Variants in SERPINE2 observed in about 807,000 individuals in gnomAD.
The protein encoded by SERPINE2 is glia-derived nexin.
A neutral mutation model predicts 36.3 loss-of-function variants in SERPINE2; 14 were observed. The ratio of observed to expected loss-of-function variants is 0.39; its 90% CI spans 0.25 to 0.60. The LOEUF (loss-of-function observed/expected upper bound fraction) is 0.60, where lower values mean the gene tolerates loss of function less well. Ranked by LOEUF, SERPINE2 falls within the 20% of genes least tolerant of loss-of-function variation. SERPINE2 has a pLI of 0.57. For synonymous variants in SERPINE2, 192 were observed against 191.8 expected (o/e 1.00, Z -0.01); for missense variants, 418 against 499.6 (o/e 0.84, Z 1.56).
chr2:223,980,318 T>C lies in SERPINE2; in HGVS notation c.1065A>G (p.Ala355=), dbSNP rs776522776. ...EVSEDGTKAS[A]ATTAILIARS... is the part of the protein sequence containing the mutation. ...ACGTGACCCAGTGCTTACTTGTTGC[T>C]GCTGAAGCTTTGGTTCCATCTTCAC... Residue 355 remains alanine, a synonymous_variant, in exon 7 of 9, where the codon GCA becomes GCG. Coordinates refer to ENST00000409304, the MANE Select transcript of SERPINE2 (RefSeq NM_001136528.2). The C allele has an allele frequency of 3.7e-6, 6 of 1,613,992 alleles. No individual in the cohort carries two copies. The East Asian group carries it at 1.1e-4, about 30-fold the overall frequency.
intron 3 of SERPINE2, among the ~76,000 whole-genome samples, chr2:223,996,236 CAT>C (rs1690884081): frequency 6.6e-6 from 1 of 152,122 alleles, no homozygotes; most frequent in Non-Finnish European, 1.5e-5. Flanking sequence ...GACAAAATGA[CAT>C]GTCACAGTCA....
chr2:224,025,587 C>T lies in SERPINE2; in HGVS notation c.-23+13512G>A, dbSNP rs191909228. ...TGAGTTAGAAATAGTACTTTTCATT[C>T]CATGTCCACCTTCCATGAAGCAATT... On this transcript the variant is annotated intron_variant, in intron 1 of 8. Transcript: ENST00000409304. Among the ~76,000 whole-genome samples the T allele has an allele frequency of 2.6e-5, 4 of 152,344 alleles. No individual in the cohort carries two copies. The East Asian group carries it at 7.7e-4, about 29-fold the overall frequency.
chr2:223,992,841 G>A (rs1293392978), intron 3 of SERPINE2, among the ~76,000 whole-genome samples: 1 of 152,214 alleles, frequency 6.6e-6, no homozygotes, highest in East Asian at 1.9e-4. Context: ...CCCAGGCACA[G>A]TGGCTTATGT....
intron 1 of SERPINE2, among the ~76,000 whole-genome samples, chr2:224,002,389 C>G (rs575469890): frequency 1.6e-3 from 248 of 152,280 alleles, no homozygotes; most frequent in Non-Finnish European, 2.9e-3. Flanking sequence ...TCAAAACACA[C>G]CCTGGGGAGG....
At chr2:224,014,816 A>G (rs571113171) in intron 1 of SERPINE2, among the ~76,000 whole-genome samples, 19 of 152,252 alleles carry the variant, frequency 1.2e-4, no homozygotes, top group Admixed American at 3.9e-4. Flanking sequence ...TTATCCTACA[A>G]ATATTAATGA....
chr2:223,998,671 G>A (rs1690990861), intron 2 of SERPINE2, among the ~76,000 whole-genome samples: 2 of 152,118 alleles, frequency 1.3e-5, no homozygotes, highest in South Asian at 2.1e-4. Context: ...AGCCATGATC[G>A]GGCCCCTGCA....
intron 1 of SERPINE2, among the ~76,000 whole-genome samples, chr2:224,029,372 T>C (rs899408104): frequency 2.3e-5 from 2 of 86,094 alleles, no homozygotes; most frequent in Non-Finnish European, 5.1e-5. Context: ...TAACTGCCAG[T>C]AAAATCCTTA....
intron 1 of SERPINE2, chr2:224,030,932 A>C (rs1692341961): frequency 3.0e-6 from 3 of 983,950 alleles, no homozygotes; most frequent in Non-Finnish European, 3.6e-6. Context: ...TGTCTGAGGA[A>C]GGAACTAGGG....
At chr2:223,998,944 A>C (rs1690999946) in intron 2 of SERPINE2, among the ~76,000 whole-genome samples, 1 of 152,206 alleles carries the variant, frequency 6.6e-6, no homozygotes, top group South Asian at 2.1e-4. Context: ...CTTTCTGGGC[A>C]CCAGGTCAGT....
chr2:223,993,209 C>T (rs545202917), intron 3 of SERPINE2, among the ~76,000 whole-genome samples: 4 of 152,234 alleles, frequency 2.6e-5, no homozygotes, highest in Non-Finnish European at 5.9e-5. Context: ...AAGGAAAATG[C>T]TCTTTACAAG....
intron 1 of SERPINE2, chr2:224,030,896 A>T (rs1463914622): frequency 1.1e-6 from 1 of 892,700 alleles, no homozygotes; most frequent in South Asian, 5.1e-5. Flanking sequence ...TACTAATTTT[A>T]GATTTCAGTC....
At chr2:223,992,115 G>C in intron 3 of SERPINE2, 115 bp from the exon 4 acceptor site, 1 of 867,424 alleles carries the variant, frequency 1.2e-6, no homozygotes, top group Non-Finnish European at 1.8e-6. Context: ...TTTAAGGAGT[G>C]TTAAAGAGAA....
intron 4 of SERPINE2, among the ~76,000 whole-genome samples, chr2:223,989,101 G>C (rs577830976): frequency 6.6e-6 from 1 of 152,296 alleles, no homozygotes; most frequent in African/African-American, 2.4e-5. Flanking sequence ...GTATACTGAG[G>C]ATTTTGCAAT....
intron 3 of SERPINE2, among the ~76,000 whole-genome samples, chr2:223,997,185 A>G (rs1690921865): frequency 6.6e-6 from 1 of 151,606 alleles, no homozygotes; most frequent in African/African-American, 2.4e-5. Flanking sequence ...CTGGACCTCC[A>G]CGTTACAAAT....
intron 1 of SERPINE2, chr2:224,010,379 A>G: frequency 2.0e-6 from 2 of 985,114 alleles, no homozygotes; most frequent in African/African-American, 3.5e-5. Flanking sequence ...GCAACATCCA[A>G]ATGGTCCCTT....
At chr2:224,037,596 A>C (rs555444329) in intron 1 of SERPINE2, among the ~76,000 whole-genome samples, 1 of 152,336 alleles carries the variant, frequency 6.6e-6, no homozygotes, top group South Asian at 2.1e-4. Context: ...CGATGGGAAA[A>C]GAACTGGCTG....
chr2:224,010,714 C>T (rs929601722), intron 1 of SERPINE2, among the ~76,000 whole-genome samples: 41 of 152,138 alleles, frequency 2.7e-4, no homozygotes, highest in African/African-American at 9.4e-4. Flanking sequence ...TCAAGGGTGG[C>T]CATGGAAATT....
At chr2:224,017,823 C>T (rs2106187447) in intron 1 of SERPINE2, among the ~76,000 whole-genome samples, 1 of 152,326 alleles carries the variant, frequency 6.6e-6, no homozygotes, top group East Asian at 1.9e-4. Context: ...CCCCATTTAC[C>T]ACCATCATCA....
chr2:223,991,712 G>T, intron 4 of SERPINE2, 91 bp downstream of exon 4: 1 of 1,328,428 alleles, frequency 7.5e-7, no homozygotes, highest in Non-Finnish European at 1.1e-6. Context: ...AAGATGAAAA[G>T]TTAGATTTGC....
Sources: gnomAD v4.1 joint callset for allele counts (sites outside exome capture counted in the v4.1 genomes callset) on GRCh38, gnomAD v4.1.1 for gene constraint, MANE v1.5 for transcripts, NCBI Gene and HGNC (gene_info 2026-07-23, HGNC 2026-07-21) for gene names.